The following SEMA4D variants were observed in gnomAD, a reference collection of about 807,000 sequenced individuals.
SEMA4D encodes semaphorin 4D, also known as semaphorin-4D.
SEMA4D carries 22 observed loss-of-function variants against 74.8 expected under a neutral mutation model. The observed-to-expected ratio is 0.29, with a 90% CI of 0.21 to 0.42. SEMA4D has a LOEUF of 0.42. Ranked by LOEUF, SEMA4D falls within the 10% of genes least tolerant of loss-of-function variation. The pLI is 1.00. For missense variants in SEMA4D, 937 were observed against 1,118.4 expected, an observed-to-expected ratio of 0.84 and a Z score of 2.31; for synonymous variants, 445 against 463.7, an observed-to-expected ratio of 0.96 and a Z score of 0.52.
At chr9:89,476,154 C>T (rs1196203518) in intron 1 of SEMA4D, among the ~76,000 whole-genome samples, 1 of 152,164 alleles carries the variant, frequency 6.6e-6, no homozygotes. Context: ...CATGCTGGCC[C>T]GATGATCTCT....
Position 89,396,826 on chromosome 9 carries a change from G to A in SEMA4D, c.325C>T (p.Leu109Phe), listed in dbSNP as rs763584678. 2 of 1,613,396 alleles carry A rather than the reference G, an allele frequency of 1.2e-6. No homozygotes were observed. The highest frequency in any genetic ancestry group is 1.3e-5 in the African/African-American group (1 of 74,908). ...GGCTGCAGCACCCGGATGTAGTTGAGGCACTCTGTCTGCAGGGAAGAGAAA... is the reference window on the plus strand; with the variant it reads ...GGCTGCAGCACCCGGATGTAGTTGAAGCACTCTGTCTGCAGGGAAGAGAAA... ...EKGKSKQTEC[L>F]NYIRVLQPLS... Residue 109 changes from leucine to phenylalanine, a missense_variant, in exon 6 of 16, where the codon CTC becomes TTC. Coordinates refer to ENST00000422704, the MANE Select transcript of SEMA4D (RefSeq NM_001371194.2).
At chr9:89,452,544 T>C (rs1854853478) in intron 2 of SEMA4D, among the ~76,000 whole-genome samples, 2 of 152,094 alleles carry the variant, frequency 1.3e-5, no homozygotes, top group African/African-American at 4.8e-5. Context: ...CTCCGCCTCC[T>C]GGCTTCAAGC....
chr9:89,409,483 G>T (rs899907900), intron 2 of SEMA4D, among the ~76,000 whole-genome samples: 2 of 152,176 alleles, frequency 1.3e-5, no homozygotes, highest in Non-Finnish European at 2.9e-5. Context: ...CTGAAAATGA[G>T]GGGGCTGTGC....
chr9:89,440,191 T>C (rs1327026033), intron 2 of SEMA4D, among the ~76,000 whole-genome samples: 2 of 151,942 alleles, frequency 1.3e-5, no homozygotes, highest in Middle Eastern at 3.2e-3. Flanking sequence ...AGCCCTGGAG[T>C]GGTGCTGGCT....
intron 2 of SEMA4D, among the ~76,000 whole-genome samples, chr9:89,435,899 A>G (rs1409660998): frequency 6.6e-6 from 1 of 152,268 alleles, no homozygotes; most frequent in African/African-American, 2.4e-5. Context: ...CCCAGTGTCC[A>G]TATCTGCTGT....
At chr9:89,415,048 G>A (rs1326090366) in intron 2 of SEMA4D, among the ~76,000 whole-genome samples, 2 of 152,218 alleles carry the variant, frequency 1.3e-5, no homozygotes, top group African/African-American at 4.8e-5. Context: ...GTGGCGGCAC[G>A]AACAGGGCCC....
chr9:89,400,199 ACCT>A (rs1181367168), intron 4 of SEMA4D, among the ~76,000 whole-genome samples: 1 of 152,058 alleles, frequency 6.6e-6, no homozygotes, highest in Non-Finnish European at 1.5e-5. Flanking sequence ...TGTTCCTACC[ACCT>A]CTTCTTTCAA....
chr9:89,465,156 G>A (rs1238810632), intron 1 of SEMA4D, among the ~76,000 whole-genome samples: 1 of 152,148 alleles, frequency 6.6e-6, no homozygotes, highest in Admixed American at 6.5e-5. Flanking sequence ...AGACTGGGAA[G>A]ATCCGCCCAC....
intron 1 of SEMA4D, among the ~76,000 whole-genome samples, chr9:89,476,143 T>G (rs555243698): frequency 6.6e-6 from 1 of 152,278 alleles, no homozygotes; most frequent in African/African-American, 2.4e-5. Context: ...TTCGGCCACC[T>G]CATGCTGGCC....
rs1840074959 is a variant in SEMA4D at position 89,392,481 on chromosome 9, G to A, written c.564C>T (p.Ile188=). The change falls in exon 8 of 16, where the codon ATC becomes ATT. Residue 188 remains isoleucine (I), a synonymous_variant. Coordinates refer to ENST00000422704, the MANE Select transcript of SEMA4D (RefSeq NM_001371194.2). Reference sequence around the variant, plus strand: ...GAGGACTGTGGGAAGAATTTCGGGAGATGATGGGTTCACTTCCCAAAAAAT... The same window carrying A: ...GAGGACTGTGGGAAGAATTTCGGGAAATGATGGGTTCACTTCCCAAAAAAT... ...SYNFLGSEPI[I]SRNSSHSPLR... 1.2e-6 allele frequency: 2 copies of A among 1,613,950 alleles called. No homozygotes were observed. Among genetic ancestry groups the A allele is most frequent in the Non-Finnish European group, 8.5e-7 (1 of 1,179,850 alleles).
intron 2 of SEMA4D, chr9:89,418,201 C>G (rs192897399): frequency 1.3e-6 from 1 of 767,270 alleles, no homozygotes; most frequent in Non-Finnish European, 1.6e-6. Flanking sequence ...TAGAAAGGCA[C>G]TGAAAACAAA....
intron 2 of SEMA4D, among the ~76,000 whole-genome samples, chr9:89,411,605 T>C (rs578037195): frequency 2.0e-5 from 3 of 152,386 alleles, no homozygotes; most frequent in Non-Finnish European, 4.4e-5. Flanking sequence ...AAAGAAGAAC[T>C]ACTTCACTTT....
intron 1 of SEMA4D, among the ~76,000 whole-genome samples, chr9:89,471,152 G>A (rs1052834099): frequency 3.3e-5 from 5 of 152,152 alleles, no homozygotes; most frequent in East Asian, 3.8e-4. Flanking sequence ...GAAACACTGC[G>A]TGATTCCACT....
chr9:89,371,536 GGGGGTGTGTTT>G lies in SEMA4D; in HGVS notation c.1882+5286_1882+5296del, dbSNP rs140322437. On this transcript the variant is annotated intron_variant, in intron 16 of 18. Transcript: ENST00000339861. ...TGTGTCTGGGGTGTGGTGTGTGTGT[GGGGGTGTGTTT>G]GGGGTGTGGTGTGTGGGGGGGGGTG... Among the ~76,000 whole-genome samples, 296 of 30,548 alleles carry G rather than the reference GGGGGTGTGTTT, an allele frequency of 9.7e-3. 54 individuals carry two copies. Among genetic ancestry groups the G allele is most frequent in the Non-Finnish European group, 0.02 (236 of 12,006 alleles). 20.0% of individuals were successfully genotyped at this position (30,548 alleles called of 152,430 possible).
chr9:89,367,758 T>G (rs138576231), intron 16 of SEMA4D: 23 of 152,346 alleles, frequency 1.5e-4, no homozygotes, highest in African/African-American at 5.5e-4. Context: ...AGAAGACTGA[T>G]CACCTTGGTA....
chr9:89,439,041 G>A, intron 2 of SEMA4D, among the ~76,000 whole-genome samples: 1 of 126,506 alleles, frequency 7.9e-6, no homozygotes, highest in Admixed American at 9.8e-5. Flanking sequence ...GAATGCAATG[G>A]CTTGATCTCC....
At chr9:89,462,954 G>GGGAGGGGA (rs140255496) in intron 1 of SEMA4D, among the ~76,000 whole-genome samples, 5,218 of 9,462 alleles carry the variant, frequency 0.55, 1,981 homozygotes, top group African/African-American at 0.57. Flanking sequence ...AAGAAAGGAG[G>GGGAGGGGA]GGGGAGCGAG....
exon 19 of SEMA4D, chr9:89,362,328 C>T (rs370391489): frequency 2.3e-5 from 37 of 1,613,486 alleles, no homozygotes; most frequent in Middle Eastern, 3.4e-4. Flanking sequence ...AGGCCTTCTC[C>T]GGGGGTGGCT....
intron 1 of SEMA4D, among the ~76,000 whole-genome samples, chr9:89,463,797 G>A (rs949251434): frequency 6.6e-5 from 10 of 152,142 alleles, no homozygotes; most frequent in Admixed American, 5.9e-4. Flanking sequence ...AGCAGGGTGT[G>A]GCGGCGGGCA....
Sources: allele counts gnomAD v4.1 joint callset (sites outside exome capture counted in the v4.1 genomes callset), GRCh38; gene constraint gnomAD v4.1.1; transcripts MANE v1.5; gene names NCBI Gene and HGNC (gene_info 2026-07-23, HGNC 2026-07-21).